ESRRB: variants seen among roughly 807,000 people sequenced by gnomAD.
ESRRB encodes estrogen related receptor beta.
A neutral mutation model predicts 46.0 loss-of-function variants in ESRRB; 16 were observed. The ratio of observed to expected loss-of-function variants is 0.35; its 90% CI spans 0.24 to 0.53. The LOEUF is 0.53. ESRRB is among the 20% of genes least tolerant of loss of function. ESRRB has a pLI of 0.93. For missense variants in ESRRB, 488 were observed against 607.4 expected (o/e 0.80, Z 2.07); for synonymous variants, 246 against 259.6 (o/e 0.95, Z 0.50).
In ESRRB at chr14:76,501,158, G is replaced by T. The variant is rs1407420525; in HGVS notation, c.*2700G>T. On this transcript the variant is annotated 3_prime_UTR_variant, in exon 7 of 7. Coordinates refer to ENST00000644823, the MANE Select transcript of ESRRB (RefSeq NM_001379180.1). The stretch of plus-strand genomic sequence containing the variant: ...CCATTTCTGGAAAATCTGTAAAGAG[G>T]AAACAGCCTGTCTCAGCTGTACTCT... The T allele has an allele frequency of 4.9e-6, 1 of 204,618 alleles. No individual in the cohort carries two copies. Among genetic ancestry groups the T allele is most frequent in the Non-Finnish European group, 1.0e-5 (1 of 100,390 alleles). The allele number at this position is 204,618 out of a possible 1,614,324, so 12.7% of individuals were successfully genotyped here. A position where few individuals can be genotyped will look rare whatever the true frequency, so the allele number is the denominator to read the frequency against.
In ESRRB at chr14:76,347,550, G is replaced by A. The variant is rs973936833; in HGVS notation, c.2+36634G>A. Among the ~76,000 whole-genome samples the A allele has an allele frequency of 4.3e-5, 4 of 93,994 alleles. 1 individual carries two copies. The highest frequency in any genetic ancestry group is 9.1e-5 in the Non-Finnish European group (4 of 43,944). The allele number at this position is 93,994 out of a possible 152,430, so 61.7% of individuals were successfully genotyped here. ...GACGCTAAAGCCAGTGCCTGCAACA[G>A]TGCATGTCATAGACACTGAAATAGC... On this transcript the variant is annotated intron_variant, in intron 1 of 6. Coordinates refer to the ESRRB transcript ENST00000512784.
intron 3 of ESRRB, among the ~76,000 whole-genome samples, chr14:76,468,400 C>CA (rs1370319932): frequency 2.0e-5 from 2 of 102,560 alleles, no homozygotes; most frequent in African/African-American, 8.3e-5. Context: ...GCCCCCCCCC[C>CA]AACACCACCA....
At chr14:76,478,477 A>C (rs11844993) in intron 3 of ESRRB, among the ~76,000 whole-genome samples, 17,586 of 152,026 alleles carry the variant, frequency 0.12, 1,107 homozygotes, top group Middle Eastern at 0.16. Context: ...TCTGATTGAC[A>C]GCTGCTTGCC....
chr14:76,310,990 C>CTCTCTCTCTCTCTCTCTCTCTCTCTT (rs1883725384), intron 1 of ESRRB: 1 of 330,376 alleles, frequency 3.0e-6, no homozygotes, highest in African/African-American at 2.8e-5. Flanking sequence ...CTCTCTCTCT[C>CTCTCTCTCTCTCTCTCTCTCTCTCTT]TCTCTCTCTC....
chr14:76,335,610 T>G (rs920978832), intron 1 of ESRRB, among the ~76,000 whole-genome samples: 2 of 152,216 alleles, frequency 1.3e-5, no homozygotes, highest in African/African-American at 4.8e-5. Flanking sequence ...CCATGTTTCT[T>G]TTGAGATCCT....
intron 1 of ESRRB, among the ~76,000 whole-genome samples, chr14:76,364,907 A>G (rs995917873): frequency 1.6e-4 from 24 of 152,354 alleles, no homozygotes; most frequent in African/African-American, 5.8e-4. Context: ...CTTGGTAACA[A>G]TCATGTAGTA....
intron 1 of ESRRB, among the ~76,000 whole-genome samples, chr14:76,329,122 G>A (rs1355730715): frequency 4.6e-5 from 7 of 152,122 alleles, no homozygotes; most frequent in African/African-American, 9.7e-5. Context: ...TTGGGTACCC[G>A]TTTGGCCACC....
intron 1 of ESRRB, among the ~76,000 whole-genome samples, chr14:76,402,967 T>G (rs963931446): frequency 6.6e-6 from 1 of 152,146 alleles, no homozygotes; most frequent in Non-Finnish European, 1.5e-5. Context: ...ACTTTTGTGT[T>G]TTTTGTAGAG....
At chr14:76,369,902 A>G (rs529761744), upstream of ESRRB, among the ~76,000 whole-genome samples, 43 of 152,328 alleles carry the variant, frequency 2.8e-4, no homozygotes, top group Admixed American at 1.3e-3. Context: ...GTTATCTTTT[A>G]GAATAGACAT....
chr14:76,456,082 GAAAGA>G (rs1346695087), intron 2 of ESRRB, among the ~76,000 whole-genome samples: 12 of 109,230 alleles, frequency 1.1e-4, no homozygotes, highest in Non-Finnish European at 2.1e-4. Flanking sequence ...ACACACAAAA[GAAAGA>G]AAAGAAAAGA....
chr14:76,495,164 A>C (rs75443376), intron 6 of ESRRB, among the ~76,000 whole-genome samples: 3,933 of 151,686 alleles, frequency 0.026, 123 homozygotes, highest in African/African-American at 0.072. Flanking sequence ...ATACACACAC[A>C]CCCCCACCTG....
At chr14:76,450,318 A>G (rs1404696418) in intron 2 of ESRRB, among the ~76,000 whole-genome samples, 1 of 152,202 alleles carries the variant, frequency 6.6e-6, no homozygotes, top group Non-Finnish European at 1.5e-5. Context: ...GAGCAAAGGC[A>G]AAGTGGAAGG....
intron 6 of ESRRB, among the ~76,000 whole-genome samples, chr14:76,496,258 A>G: frequency 6.6e-6 from 1 of 152,222 alleles, no homozygotes; most frequent in Non-Finnish European, 1.5e-5. Flanking sequence ...ATAAGACATG[A>G]GCCTGGATGT....
chr14:76,384,271 T>C (rs1201864112), intron 1 of ESRRB, among the ~76,000 whole-genome samples: 1 of 152,162 alleles, frequency 6.6e-6, no homozygotes, highest in African/African-American at 2.4e-5. Flanking sequence ...ACAGAAATAG[T>C]AGCAATTTTA....
intron 1 of ESRRB, among the ~76,000 whole-genome samples, chr14:76,350,463 A>G (rs1884300834): frequency 6.6e-6 from 1 of 152,198 alleles, no homozygotes; most frequent in Non-Finnish European, 1.5e-5. Context: ...AAACACTTGC[A>G]TGGCTGCCCA....
chr14:76,460,890 G>A (rs1251420052), intron 2 of ESRRB, among the ~76,000 whole-genome samples: 1 of 152,002 alleles, frequency 6.6e-6, no homozygotes, highest in East Asian at 1.9e-4. Context: ...ATTTTTAGTA[G>A]AGACAGGGTT....
At chr14:76,467,087 C>A (rs1889147992) in intron 3 of ESRRB, among the ~76,000 whole-genome samples, 1 of 152,128 alleles carries the variant, frequency 6.6e-6, no homozygotes, top group Non-Finnish European at 1.5e-5. Flanking sequence ...GATGTTGATA[C>A]CTGCTTTCCT....
intron 1 of ESRRB, among the ~76,000 whole-genome samples, chr14:76,362,403 T>C (rs986568908): frequency 1.3e-5 from 2 of 152,192 alleles, no homozygotes; most frequent in African/African-American, 4.8e-5. Flanking sequence ...TGATTTGAAA[T>C]CCATCAGTGT....
chr14:76,358,040 G>A (rs1595053790), intron 1 of ESRRB, among the ~76,000 whole-genome samples: 2 of 152,112 alleles, frequency 1.3e-5, no homozygotes, highest in East Asian at 1.9e-4. Flanking sequence ...GGCTGGGCAC[G>A]GTGGCTCTCG....
Sources: gnomAD v4.1 joint callset for allele counts (sites outside exome capture counted in the v4.1 genomes callset) on GRCh38, gnomAD v4.1.1 for gene constraint, MANE v1.5 for transcripts, NCBI Gene and HGNC (gene_info 2026-07-23, HGNC 2026-07-21) for gene names.